ABCC9: variants seen among roughly 807,000 people sequenced by gnomAD.
ABCC9 encodes the protein ATP binding cassette subfamily C member 9, also known as ATP-binding cassette sub-family C member 9.
A neutral mutation model predicts 188.3 loss-of-function variants in ABCC9; 95 were observed. The ratio of observed to expected loss-of-function variants is 0.50; its 90% CI spans 0.43 to 0.60. ABCC9 has a LOEUF of 0.60. Among genes scored for constraint, ABCC9 ranks in the 20% least tolerant of loss-of-function variants. The pLI is 0.00. For missense variants in ABCC9, 1,102 were observed against 1,876.3 expected (o/e 0.59, Z 7.62); for synonymous variants, 659 against 652.7 (o/e 1.01, Z -0.15).
intron 17 of ABCC9, among the ~76,000 whole-genome samples, chr12:21,874,838 A>G (rs1946260035): frequency 6.6e-6 from 1 of 152,108 alleles, no homozygotes; most frequent in Non-Finnish European, 1.5e-5. Context: ...TAATTTAGTC[A>G]AAATTTTAGA....
intron 13 of ABCC9, 96 bp from the exon 14 acceptor site, chr12:21,894,270 T>G (rs1304587597): frequency 4.4e-6 from 6 of 1,349,990 alleles, no homozygotes; most frequent in Non-Finnish European, 6.3e-6. Flanking sequence ...GCTATGCCAG[T>G]ATGTCCATTG....
chr12:21,814,940 T>C (rs918572816), intron 34 of ABCC9, among the ~76,000 whole-genome samples: 2 of 152,118 alleles, frequency 1.3e-5, no homozygotes, highest in Non-Finnish European at 2.9e-5. Flanking sequence ...CCCAACACTT[T>C]GGGAGGCTGA....
chr12:21,912,229 T>G (rs1042685188), intron 8 of ABCC9, among the ~76,000 whole-genome samples: 1 of 152,048 alleles, frequency 6.6e-6, no homozygotes, highest in East Asian at 1.9e-4. Flanking sequence ...CGATAGTTTC[T>G]ATATGTAGAA....
chr12:21,801,308 A>C (rs1941415786), intron 39 of ABCC9, 127 bp from the exon 40 acceptor site: 3 of 1,203,526 alleles, frequency 2.5e-6, no homozygotes, highest in Non-Finnish European at 3.6e-6. Context: ...AGATGTAGGG[A>C]TCACAGACAC....
chr12:21,900,704 A>C (rs1026402670), intron 12 of ABCC9, among the ~76,000 whole-genome samples: 2 of 152,192 alleles, frequency 1.3e-5, no homozygotes, highest in Non-Finnish European at 2.9e-5. Flanking sequence ...GGAGGAAAGG[A>C]TATCAGTGAT....
chr12:21,891,461 T>C lies in ABCC9; in HGVS notation c.1802+2571A>G, dbSNP rs185132630. ...AGAAAAATCAAATGGTGTTGGGTGC[T>C]GGGGGGTGTGAGGAGACAATCTGAA... On this transcript the variant is annotated intron_variant, in intron 14 of 39. Transcript: ENST00000261200. Among the ~76,000 whole-genome samples the C allele has an allele frequency of 3.6e-4, 55 of 152,266 alleles. No individual in the cohort carries two copies. The South Asian group carries it at 6.8e-3, about 19-fold the overall frequency.
Position 21,838,105 on chromosome 12 carries a change from T to C in ABCC9, c.3539A>G (p.Glu1180Gly). 6.2e-7 allele frequency: 1 copy of C among 1,614,116 alleles called. No individual in the cohort carries two copies. Among genetic ancestry groups the C allele is most frequent in the Non-Finnish European group, 8.5e-7 (1 of 1,179,954 alleles). Residue 1180 changes from glutamate to glycine, a missense_variant, in exon 30 of 40, where the codon GAA (glutamate) becomes GGA (glycine). Glu to Gly is a moderately conservative substitution (Grantham distance 98). Around this residue, in one of 12 missense-constraint regions of ABCC9, gnomAD observed 143 missense variants for 225.6 expected, o/e 0.63. Coordinates refer to ENST00000261200, the MANE Select transcript of ABCC9 (RefSeq NM_020297.4). Reference sequence around the variant, plus strand: ...AAAGGCCCGAATGGTGGTGAGTCCTTCTGCTGTTTCTGAGAAGTGACAGAG... The same window carrying C: ...AAAGGCCCGAATGGTGGTGAGTCCTCCTGCTGTTTCTGAGAAGTGACAGAG... The part of the protein sequence containing the change: ...PLLCHFSETA[E>G]GLTTIRAFRH...
intron 13 of ABCC9, 28 bp downstream of exon 13, chr12:21,895,247 T>C (rs1359000596): frequency 6.2e-7 from 1 of 1,600,174 alleles, no homozygotes. Context: ...CTTGGTTTCA[T>C]TTCTAAAAGA....
At chr12:21,805,111 GA>G in intron 39 of ABCC9, 1 of 1,608,360 alleles carries the variant, frequency 6.2e-7, no homozygotes, top group Non-Finnish European at 8.5e-7. Context: ...ATGCCTTACT[GA>G]GAGGATACTG....
At chr12:21,827,960 G>A (rs1326963705) in intron 31 of ABCC9, among the ~76,000 whole-genome samples, 5 of 152,012 alleles carry the variant, frequency 3.3e-5, no homozygotes, top group African/African-American at 4.8e-5. Context: ...TTTAATTTGG[G>A]CTCCTTCATT....
chr12:21,932,291 A>T (rs12371738), intron 4 of ABCC9, among the ~76,000 whole-genome samples: 8 of 151,792 alleles, frequency 5.3e-5, no homozygotes, highest in Non-Finnish European at 1.2e-4. Flanking sequence ...CTTTAAAAAT[A>T]TGGGTTTTTA....
chr12:21,817,650 G>A (rs1020782563), intron 32 of ABCC9, among the ~76,000 whole-genome samples: 4 of 152,036 alleles, frequency 2.6e-5, no homozygotes, highest in South Asian at 2.1e-4. Context: ...CTCAGGACAC[G>A]GATCCCAAAC....
At chr12:21,842,270 T>C in intron 29 of ABCC9, 44 bp downstream of exon 29, 3 of 1,597,032 alleles carry the variant, frequency 1.9e-6, no homozygotes, top group Non-Finnish European at 2.6e-6. Context: ...GAGGGCTGAC[T>C]GTAGATAAGC....
intron 31 of ABCC9, among the ~76,000 whole-genome samples, chr12:21,822,345 T>C (rs999675018): frequency 4.6e-5 from 7 of 151,782 alleles, no homozygotes; most frequent in African/African-American, 7.3e-5. Context: ...ACTGGAAATA[T>C]TTTAGAGACT....
At chr12:21,846,978 A>C (rs929232925) in intron 25 of ABCC9, among the ~76,000 whole-genome samples, 1 of 151,572 alleles carries the variant, frequency 6.6e-6, no homozygotes, top group Non-Finnish European at 1.5e-5. Context: ...TTAAGACTCA[A>C]CTCCTTTCTC....
At chr12:21,877,217 C>T (rs1027615758) in intron 16 of ABCC9, among the ~76,000 whole-genome samples, 10 of 152,102 alleles carry the variant, frequency 6.6e-5, no homozygotes, top group African/African-American at 2.4e-4. Context: ...GTACAAGACA[C>T]GACATTATGG....
rs111716099 is a variant in ABCC9 at position 21,868,621 on chromosome 12, A to G, written c.2198+4004T>C. Among the ~76,000 whole-genome samples, 1,119 of 152,334 alleles carry G rather than the reference A, an allele frequency of 7.3e-3. 14 individuals carry two copies. Among genetic ancestry groups the G allele is most frequent in the African/African-American group, 0.025 (1,060 of 41,570 alleles). On this transcript the variant is annotated intron_variant, in intron 18 of 39. Coordinates refer to ENST00000261200, the MANE Select transcript of ABCC9 (RefSeq NM_020297.4). ...GCCACTGCACTCCAGCCTGGGCAAC[A>G]GAGTGAGACTCTGTCTCAATAAATA...
chr12:21,857,070 A>G (rs1437363871), intron 22 of ABCC9, among the ~76,000 whole-genome samples: 1 of 152,198 alleles, frequency 6.6e-6, no homozygotes, highest in African/African-American at 2.4e-5. Context: ...TTTTTGAGGA[A>G]TTTTTAAAAC....
intron 4 of ABCC9, among the ~76,000 whole-genome samples, chr12:21,927,490 T>C (rs940878783): frequency 2.0e-5 from 3 of 152,098 alleles, no homozygotes; most frequent in Non-Finnish European, 4.4e-5. Context: ...AATAATACAT[T>C]TGGAAAAGAC....
Sources: allele counts gnomAD v4.1 joint callset (sites outside exome capture counted in the v4.1 genomes callset), GRCh38; gene constraint gnomAD v4.1.1; regional missense constraint gnomAD v4.1.1; transcripts MANE v1.5; gene names NCBI Gene and HGNC (gene_info 2026-07-23, HGNC 2026-07-21).